STAU1: variants seen among roughly 807,000 people sequenced by gnomAD.
STAU1 encodes the protein staufen double-stranded RNA binding protein 1.
A neutral mutation model predicts 62.9 loss-of-function variants in STAU1; 13 were observed. That is an observed-to-expected ratio of 0.21 (90% CI 0.13 to 0.33). The LOEUF (loss-of-function observed/expected upper bound fraction) is 0.33, where lower values mean the gene tolerates loss of function less well. Among genes scored for constraint, STAU1 ranks in the 10% least tolerant of loss-of-function variants. The pLI, the probability that STAU1 is intolerant of heterozygous loss-of-function variation, is 1.00. For missense variants in STAU1, 571 were observed against 712.1 expected (o/e 0.80, Z 2.25); for synonymous variants, 269 against 265.1 (o/e 1.01, Z -0.14).
chr20:49,171,144 C>A (rs2093591897), intron 2 of STAU1, among the ~76,000 whole-genome samples: 1 of 152,188 alleles, frequency 6.6e-6, no homozygotes, highest in Non-Finnish European at 1.5e-5. Context: ...TTATTCTGTT[C>A]TCTTTAGTTT....
intron 6 of STAU1, among the ~76,000 whole-genome samples, chr20:49,129,131 T>A (rs1168685305): frequency 2.0e-5 from 3 of 151,688 alleles, no homozygotes; most frequent in African/African-American, 7.3e-5. Context: ...TCAAAAAAAC[T>A]GGCAAGATAT....
the STAU1 span, among the ~76,000 whole-genome samples, chr20:49,198,334 T>A: frequency 6.6e-6 from 1 of 151,404 alleles, no homozygotes; most frequent in Non-Finnish European, 1.5e-5. Context: ...ATCAACCTGG[T>A]GAAACCCTGT....
chr20:49,202,623 C>T, the STAU1 span, among the ~76,000 whole-genome samples: 2 of 151,874 alleles, frequency 1.3e-5, no homozygotes, highest in Non-Finnish European at 2.9e-5. Flanking sequence ...TGGCTCATAC[C>T]TGTATTTCTA....
At chr20:49,189,201 CAAAAAAAAAAAAAAAAAAAAAAAAAA>C (rs545643816), upstream of STAU1, among the ~76,000 whole-genome samples, 1 of 33,596 alleles carries the variant, frequency 3.0e-5, no homozygotes. Flanking sequence ...ACACTGGTCT[CAAAAAAAAAAAAAAAAAAAAAAAAAA>C]AAAAAAAAAA....
At chr20:49,129,248 C>CT (rs2092698010) in intron 6 of STAU1, among the ~76,000 whole-genome samples, 1 of 149,344 alleles carries the variant, frequency 6.7e-6, no homozygotes, top group Non-Finnish European at 1.5e-5. Flanking sequence ...CAAGATACTA[C>CT]TGACTACCTG....
Position 49,137,920 on chromosome 20 carries a change from T to A in STAU1, c.511-1989A>T, listed in dbSNP as rs184717811. Among the ~76,000 whole-genome samples, 16 of 150,946 alleles carry A rather than the reference T, an allele frequency of 1.1e-4. No homozygotes were observed. In the East Asian group the frequency reaches 2.9e-3, roughly 28 times the overall value. On this transcript the variant is annotated intron_variant, in intron 5 of 13. Coordinates refer to ENST00000371856, the MANE Select transcript of STAU1 (RefSeq NM_017453.4). ...TTCTCGAACTCCTGACTTCAGGTGA[T>A]CCGCCCACCTTGGCCTCCTGAAGTG...
At chr20:49,165,365 G>A (rs549912924) in intron 3 of STAU1, among the ~76,000 whole-genome samples, 5 of 148,234 alleles carry the variant, frequency 3.4e-5, no homozygotes, top group African/African-American at 1.2e-4. Flanking sequence ...TTTTGAGACA[G>A]TGTCTCCCTC....
the STAU1 span, among the ~76,000 whole-genome samples, chr20:49,217,288 A>G: frequency 2.6e-5 from 4 of 152,028 alleles, no homozygotes; most frequent in South Asian, 2.1e-4. Context: ...TCTCTCTCAC[A>G]TGCGCCCCCT....
chr20:49,116,003 T>C (rs1262615140), intron 12 of STAU1, 136 bp from the exon 13 acceptor site: 1 of 626,132 alleles, frequency 1.6e-6, no homozygotes, highest in Non-Finnish European at 2.8e-6. Context: ...TACTACTAAA[T>C]AAAACTTTGA....
At chr20:49,209,350 A>G in the STAU1 span, among the ~76,000 whole-genome samples, 8,849 of 151,202 alleles carry the variant, frequency 0.059, 860 homozygotes, top group African/African-American at 0.2. Context: ...CAAAGAATAA[A>G]GTTGTTTTCT....
At chr20:49,119,954 T>G (rs752736971) in intron 9 of STAU1, 28 bp downstream of exon 9, 3 of 1,607,338 alleles carry the variant, frequency 1.9e-6, no homozygotes, top group Non-Finnish European at 2.6e-6. Context: ...AGAGACCATC[T>G]TGCAATCAGA....
intron 3 of STAU1, among the ~76,000 whole-genome samples, chr20:49,156,048 A>C (rs994124247): frequency 6.6e-6 from 1 of 152,136 alleles, no homozygotes; most frequent in Non-Finnish European, 1.5e-5. Context: ...TCCTTGTCTG[A>C]GGAGATACTA....
chr20:49,137,423 GATA>G (rs906556439), intron 5 of STAU1, among the ~76,000 whole-genome samples: 3 of 152,206 alleles, frequency 2.0e-5, no homozygotes, highest in African/African-American at 7.2e-5. Context: ...GTGCTGTAGT[GATA>G]ATAAGAGGAA....
intron 5 of STAU1, among the ~76,000 whole-genome samples, chr20:49,141,774 A>G (rs1359271328): frequency 6.6e-6 from 1 of 152,110 alleles, no homozygotes; most frequent in African/African-American, 2.4e-5. Context: ...GTCTCAAAAA[A>G]AGAGGCAATG....
Position 49,116,624 on chromosome 20 carries a change from C to T in STAU1, c.1632+502G>A, listed in dbSNP as rs559001844. 2.6e-5 allele frequency among the ~76,000 whole-genome samples: 4 copies of T among 152,306 alleles called. No individual in the cohort carries two copies. The East Asian group carries it at 7.7e-4, about 29-fold the overall frequency. ...GCAGTGCTGGGATTAGTGTGAGCCA[C>T]CACACCCCACCCAGAGACATTAATT... On this transcript the variant is annotated intron_variant, in intron 12 of 13. Transcript: ENST00000371856.
intron 5 of STAU1, among the ~76,000 whole-genome samples, chr20:49,147,510 A>T (rs1196014491): frequency 6.6e-6 from 1 of 152,252 alleles, no homozygotes; most frequent in Non-Finnish European, 1.5e-5. Context: ...CTGTGGACAG[A>T]CGGGCTGCTT....
intron 3 of STAU1, among the ~76,000 whole-genome samples, chr20:49,154,935 A>T (rs767284270): frequency 7.2e-5 from 11 of 151,740 alleles, no homozygotes; most frequent in Non-Finnish European, 1.6e-4. Flanking sequence ...AAATACAAAA[A>T]ATTAGCCAGG....
At chr20:49,160,083 A>G (rs1291997640) in intron 3 of STAU1, among the ~76,000 whole-genome samples, 1 of 152,220 alleles carries the variant, frequency 6.6e-6, no homozygotes, top group Non-Finnish European at 1.5e-5. Flanking sequence ...ATATGCTCTC[A>G]TTTAATTCTC....
chr20:49,182,732 G>T (rs569315586), intron 1 of STAU1, among the ~76,000 whole-genome samples: 381 of 151,768 alleles, frequency 2.5e-3, no homozygotes, highest in Non-Finnish European at 4.1e-3. Context: ...CCAGCTACTC[G>T]AGAGGCTGAG....
Sources: allele counts gnomAD v4.1 joint callset (sites outside exome capture counted in the v4.1 genomes callset), GRCh38; gene constraint gnomAD v4.1.1; transcripts MANE v1.5; gene names NCBI Gene and HGNC (gene_info 2026-07-23, HGNC 2026-07-21).